Variants in NRG3 observed in about 807,000 individuals in gnomAD.
The protein encoded by NRG3 is neuregulin 3, also known as pro-neuregulin-3, membrane-bound isoform.
In NRG3, 31 loss-of-function variants were observed where a neutral mutation model predicts 66.9. The observed-to-expected ratio is 0.46, with a 90% CI of 0.35 to 0.63. The LOEUF is 0.63. Ranked by LOEUF, NRG3 falls within the 20% of genes least tolerant of loss-of-function variation. NRG3 has a pLI of 0.00. For synonymous variants in NRG3, 393 were observed against 359.4 expected, an observed-to-expected ratio of 1.09 and a Z score of -1.06; for missense variants, 910 against 878.9, an observed-to-expected ratio of 1.04 and a Z score of -0.45.
At chr10:82,748,354 C>A (rs1313650749) in intron 3 of NRG3, among the ~76,000 whole-genome samples, 1 of 151,182 alleles carries the variant, frequency 6.6e-6, no homozygotes. Context: ...TATAACTTAT[C>A]ATCTAAACTA....
At chr10:82,974,145 A>G (rs2132594337) in intron 7 of NRG3, among the ~76,000 whole-genome samples, 1 of 151,770 alleles carries the variant, frequency 6.6e-6, no homozygotes, top group Non-Finnish European at 1.5e-5. Flanking sequence ...TATAGATAAC[A>G]CCCATCAAAG....
intron 1 of NRG3, among the ~76,000 whole-genome samples, chr10:82,039,431 T>C (rs929145146): frequency 3.3e-5 from 5 of 152,056 alleles, no homozygotes; most frequent in African/African-American, 9.7e-5. Context: ...CAGTGCCGCA[T>C]TGGGGATAGT....
At chr10:82,806,120 A>G (rs914546112) in intron 3 of NRG3, among the ~76,000 whole-genome samples, 3 of 152,188 alleles carry the variant, frequency 2.0e-5, no homozygotes, top group African/African-American at 7.2e-5. Flanking sequence ...ATTTGTTTAT[A>G]GAGAGACTGG....
chr10:82,805,140 GT>G (rs1276883098), intron 3 of NRG3, among the ~76,000 whole-genome samples: 1 of 152,172 alleles, frequency 6.6e-6, no homozygotes, highest in African/African-American at 2.4e-5. Flanking sequence ...GAGGCTGGAG[GT>G]TCTGAATTTC....
chr10:82,779,643 A>G (rs1158062772), intron 3 of NRG3, among the ~76,000 whole-genome samples: 2 of 152,164 alleles, frequency 1.3e-5, no homozygotes, highest in East Asian at 3.9e-4. Flanking sequence ...CGGAAGTTTT[A>G]TTATGATTAT....
At chr10:82,839,802 T>C (rs1472064863) in intron 3 of NRG3, among the ~76,000 whole-genome samples, 1 of 152,000 alleles carries the variant, frequency 6.6e-6, no homozygotes, top group Non-Finnish European at 1.5e-5. Context: ...TAAATGTTAC[T>C]CCAAAGTCTA....
At chr10:82,328,218 A>G (rs1210388055) in intron 1 of NRG3, among the ~76,000 whole-genome samples, 1 of 152,170 alleles carries the variant, frequency 6.6e-6, no homozygotes, top group Non-Finnish European at 1.5e-5. Context: ...AACATTTGCT[A>G]GAAGGAGAAG....
chr10:82,927,714 G>A lies in NRG3; in HGVS notation c.1055-23755G>A, dbSNP rs139378945. Among the ~76,000 whole-genome samples, 545 of 152,304 alleles carry A rather than the reference G, an allele frequency of 3.6e-3. 3 individuals carry two copies. Among genetic ancestry groups the A allele is most frequent in the African/African-American group, 0.012 (518 of 41,546 alleles). ...CTGCATAGTATTCCACAGTGTATAT[G>A]TGCCACATTTTCTTTATGCAGTCTA... On this transcript the variant is annotated intron_variant, in intron 4 of 8. Coordinates refer to ENST00000372141, the MANE Select transcript of NRG3 (RefSeq NM_001010848.4).
At chr10:82,562,221 G>A (rs768295115) in intron 2 of NRG3, among the ~76,000 whole-genome samples, 18 of 152,036 alleles carry the variant, frequency 1.2e-4, no homozygotes, top group East Asian at 3.9e-4. Context: ...CATCATCTTC[G>A]TCTTCATCAT....
chr10:82,845,267 A>G (rs2063254777), intron 3 of NRG3, among the ~76,000 whole-genome samples: 2 of 152,266 alleles, frequency 1.3e-5, no homozygotes, highest in Non-Finnish European at 2.9e-5. Flanking sequence ...TGAATGATCA[A>G]TACACATTAA....
At chr10:82,068,013 T>C (rs2064585779) in intron 1 of NRG3, among the ~76,000 whole-genome samples, 1 of 152,226 alleles carries the variant, frequency 6.6e-6, no homozygotes, top group Admixed American at 6.5e-5. Context: ...CTCCTCAAGC[T>C]ACCTGTAAGT....
At position 82,287,803 on chromosome 10, in the gene NRG3, C is replaced by A. The variant is rs190837661; in HGVS notation, c.824-70936C>A. ...GTTTTCTTGAGACTTTGGTCCCGACCTATATGGTGACCATTGGTCCAACAT... is the reference window on the plus strand; with the variant it reads ...GTTTTCTTGAGACTTTGGTCCCGACATATATGGTGACCATTGGTCCAACAT... On this transcript the variant is annotated intron_variant, in intron 1 of 8. Coordinates refer to ENST00000372141, the MANE Select transcript of NRG3 (RefSeq NM_001010848.4). 1.3e-3 allele frequency among the ~76,000 whole-genome samples: 194 copies of A among 152,174 alleles called. 2 individuals are homozygous for A. In the Middle Eastern group the frequency reaches 0.014, roughly 11 times the overall value.
intron 8 of NRG3, among the ~76,000 whole-genome samples, chr10:82,983,348 A>T (rs909946865): frequency 6.6e-6 from 1 of 152,208 alleles, no homozygotes; most frequent in African/African-American, 2.4e-5. Context: ...TCATATTTTT[A>T]GCTCATATAT....
chr10:82,713,542 G>A (rs58830985), intron 2 of NRG3, among the ~76,000 whole-genome samples: 2,549 of 152,264 alleles, frequency 0.017, 69 homozygotes, highest in African/African-American at 0.059. Flanking sequence ...GAAACTGAGG[G>A]TTTCCCTTAA....
chr10:81,960,389 C>T (rs528354246), intron 1 of NRG3, among the ~76,000 whole-genome samples: 1 of 152,194 alleles, frequency 6.6e-6, no homozygotes, highest in Admixed American at 6.5e-5. Context: ...TCTTACCTTT[C>T]AACCTTCTCA....
chr10:81,975,145 A>G (rs554351766), intron 1 of NRG3, among the ~76,000 whole-genome samples: 1 of 152,258 alleles, frequency 6.6e-6, no homozygotes, highest in South Asian at 2.1e-4. Context: ...GAAAATATAA[A>G]ACTTGTTTTA....
intron 2 of NRG3, among the ~76,000 whole-genome samples, chr10:82,598,391 C>A (rs1425949466): frequency 6.6e-6 from 1 of 152,132 alleles, no homozygotes; most frequent in Non-Finnish European, 1.5e-5. Flanking sequence ...GGAAAACAAG[C>A]CACAAATGGG....
chr10:82,107,818 T>C (rs74532447), intron 1 of NRG3, among the ~76,000 whole-genome samples: 5,767 of 152,300 alleles, frequency 0.038, 150 homozygotes, highest in East Asian at 0.1. Flanking sequence ...AAAATGTATG[T>C]TTAAAAAACA....
intron 2 of NRG3, among the ~76,000 whole-genome samples, chr10:82,369,643 T>A (rs2135722406): frequency 7.2e-6 from 1 of 138,722 alleles, no homozygotes; most frequent in East Asian, 2.1e-4. Context: ...TTTTAATAAC[T>A]TTCTCTGTAA....
Sources: allele counts gnomAD v4.1 joint callset (sites outside exome capture counted in the v4.1 genomes callset), GRCh38; gene constraint gnomAD v4.1.1; transcripts MANE v1.5; gene names NCBI Gene and HGNC (gene_info 2026-07-23, HGNC 2026-07-21).